The following ATP10B variants were observed in gnomAD, a reference collection of about 807,000 sequenced individuals.
ATP10B encodes phospholipid-transporting ATPase VB.
A neutral mutation model predicts 141.2 loss-of-function variants in ATP10B; 122 were observed. The observed-to-expected ratio is 0.86, with a 90% confidence interval of 0.75 to 1.00. The LOEUF is 1.00. Ranked by LOEUF, ATP10B falls within the 50% of genes least tolerant of loss-of-function variation. The probability of loss-of-function intolerance (pLI) is 0.00; values close to 1 mark genes in which losing one functional copy is unlikely to be tolerated. For missense variants in ATP10B, 1,876 were observed against 1,825.3 expected, an observed-to-expected ratio of 1.03 and a Z score of -0.51; for synonymous variants, 685 against 692.0, an observed-to-expected ratio of 0.99 and a Z score of 0.16.
intron 1 of ATP10B, among the ~76,000 whole-genome samples, chr5:160,834,483 G>A (rs1775295273): frequency 6.6e-6 from 1 of 152,044 alleles, no homozygotes; most frequent in Non-Finnish European, 1.5e-5. Context: ...AATAGAGGTT[G>A]ATTTTACATA....
chr5:160,733,428 A>C (rs1215778578), intron 2 of ATP10B, among the ~76,000 whole-genome samples: 1 of 152,182 alleles, frequency 6.6e-6, no homozygotes, highest in Non-Finnish European at 1.5e-5. Context: ...AAATTTGACA[A>C]AAGATACAAA....
chr5:160,755,828 A>ATAT (rs1768514419), intron 2 of ATP10B, among the ~76,000 whole-genome samples: 1 of 71,110 alleles, frequency 1.4e-5, no homozygotes, highest in African/African-American at 5.5e-5. Flanking sequence ...AAAAAAAAAA[A>ATAT]AAAAAAAAAA....
chr5:160,693,637 G>T (rs1314644853), intron 3 of ATP10B, among the ~76,000 whole-genome samples: 12 of 152,098 alleles, frequency 7.9e-5, no homozygotes, highest in Admixed American at 7.9e-4. Flanking sequence ...AACCTTTTTG[G>T]CACCAGGGAC....
At chr5:160,759,980 C>T (rs1171522116) in intron 2 of ATP10B, among the ~76,000 whole-genome samples, 3 of 152,294 alleles carry the variant, frequency 2.0e-5, no homozygotes, top group East Asian at 1.9e-4. Flanking sequence ...GCAGAGGCAA[C>T]GTGTAGGCCA....
Position 160,836,505 on chromosome 5 carries a change from C to T in ATP10B, c.-576+15436G>A, listed in dbSNP as rs115049782. ...TCACACATATTCTCCTTGTCATTTA[C>T]ATTGCCCTTCCAAAGTTATCTTTCT... On this transcript the variant is annotated intron_variant, in intron 1 of 25. Coordinates refer to ENST00000327245, the MANE Select transcript of ATP10B (RefSeq NM_025153.3). 6.0e-3 allele frequency among the ~76,000 whole-genome samples: 916 copies of T among 152,216 alleles called. 13 individuals carry two copies. The highest frequency in any genetic ancestry group is 0.021 in the African/African-American group (872 of 41,548).
At chr5:160,666,024 T>C (rs946824334) in intron 7 of ATP10B, among the ~76,000 whole-genome samples, 1 of 152,156 alleles carries the variant, frequency 6.6e-6, no homozygotes, top group Non-Finnish European at 1.5e-5. Context: ...ATGTGTAAAA[T>C]AGGGATAGTA....
At chr5:160,807,219 A>G (rs1329190037) in intron 1 of ATP10B, among the ~76,000 whole-genome samples, 1 of 152,236 alleles carries the variant, frequency 6.6e-6, no homozygotes, top group Non-Finnish European at 1.5e-5. Context: ...ATGTTTATAA[A>G]TGCATGAAGT....
intron 1 of ATP10B, among the ~76,000 whole-genome samples, chr5:160,827,185 G>A (rs991892347): frequency 2.0e-5 from 3 of 152,158 alleles, no homozygotes; most frequent in African/African-American, 7.2e-5. Flanking sequence ...CACCCCCAGA[G>A]GCCCAGCTGT....
the ATP10B span, among the ~76,000 whole-genome samples, chr5:160,857,626 T>C: frequency 7.2e-5 from 11 of 151,974 alleles, no homozygotes; most frequent in Middle Eastern, 0.01. Context: ...AATTTTCTCT[T>C]TTCTAGCATA....
At chr5:160,689,228 C>T (rs963716123) in intron 3 of ATP10B, among the ~76,000 whole-genome samples, 9 of 152,100 alleles carry the variant, frequency 5.9e-5, no homozygotes, top group Non-Finnish European at 8.8e-5. Flanking sequence ...GAAAGTATCT[C>T]GAAATAATAA....
At chr5:160,594,711 A>G (rs1235385248) in intron 22 of ATP10B, among the ~76,000 whole-genome samples, 1 of 151,302 alleles carries the variant, frequency 6.6e-6, no homozygotes, top group Non-Finnish European at 1.5e-5. Context: ...AAGCAAATGG[A>G]AAACAAAAAA....
intron 2 of ATP10B, among the ~76,000 whole-genome samples, chr5:160,781,233 G>A (rs756859745): frequency 1.3e-5 from 2 of 152,154 alleles, no homozygotes; most frequent in Non-Finnish European, 2.9e-5. Context: ...TCAGTAGGAT[G>A]GTCTGGGTGA....
At chr5:160,826,462 C>A (rs778279997) in intron 1 of ATP10B, among the ~76,000 whole-genome samples, 7 of 152,180 alleles carry the variant, frequency 4.6e-5, no homozygotes, top group Non-Finnish European at 8.8e-5. Context: ...TCTTCGTAAG[C>A]TGAGGATGTA....
the ATP10B span, among the ~76,000 whole-genome samples, chr5:160,883,031 T>A: frequency 1.3e-5 from 2 of 152,096 alleles, no homozygotes; most frequent in African/African-American, 4.8e-5. Context: ...AAAACTAGGA[T>A]AAATATAGTA....
rs1561701504 is a variant in ATP10B at position 160,652,895 on chromosome 5, AATATATTATATATACATGT to A, written c.676-3658_676-3640del. ...ATATATAATATATATATAATTATAT[AATATATTATATATACATGT>A]ATATATAATATATTATATATACATG... On this transcript the variant is annotated intron_variant, in intron 7 of 25. Coordinates refer to ENST00000327245, the MANE Select transcript of ATP10B (RefSeq NM_025153.3). Among the ~76,000 whole-genome samples, 203 of 68,224 alleles carry A rather than the reference AATATATTATATATACATGT, an allele frequency of 3.0e-3. 16 individuals are homozygous for A. Among genetic ancestry groups the A allele is most frequent in the African/African-American group, 0.013 (193 of 15,396 alleles). The allele number at this position is 68,224 out of a possible 152,430, so 44.8% of individuals were successfully genotyped here. A position where few individuals can be genotyped will look rare whatever the true frequency, so the allele number is the denominator to read the frequency against.
chr5:160,627,371 C>A (rs962462397), intron 13 of ATP10B, among the ~76,000 whole-genome samples: 1 of 152,222 alleles, frequency 6.6e-6, no homozygotes. Flanking sequence ...TTCTATTAGA[C>A]TTTATGTCCC....
intron 1 of ATP10B, among the ~76,000 whole-genome samples, chr5:160,823,558 T>G (rs1320101556): frequency 2.0e-5 from 3 of 152,260 alleles, no homozygotes; most frequent in Middle Eastern, 3.4e-3. Flanking sequence ...AAATTAAAAT[T>G]TAAGAAAACA....
At chr5:160,718,704 A>C (rs1765799261) in intron 2 of ATP10B, among the ~76,000 whole-genome samples, 1 of 152,172 alleles carries the variant, frequency 6.6e-6, no homozygotes, top group South Asian at 2.1e-4. Flanking sequence ...GAACTAATCC[A>C]GTATCATCAT....
intron 7 of ATP10B, among the ~76,000 whole-genome samples, chr5:160,662,753 G>A (rs1430950625): frequency 7.2e-5 from 11 of 151,938 alleles, no homozygotes; most frequent in East Asian, 1.9e-4. Flanking sequence ...CTTCATGTCT[G>A]AAACACCAAA....
Sources: gnomAD v4.1 joint callset for allele counts (sites outside exome capture counted in the v4.1 genomes callset) on GRCh38, gnomAD v4.1.1 for gene constraint, MANE v1.5 for transcripts, NCBI Gene and HGNC (gene_info 2026-07-23, HGNC 2026-07-21) for gene names.